Variants in RIT2 observed in about 807,000 individuals in gnomAD.
RIT2 encodes the protein Ras like without CAAX 2, also known as GTP-binding protein Rit2.
A neutral mutation model predicts 23.7 loss-of-function variants in RIT2; 24 were observed. The ratio of observed to expected loss-of-function variants is 1.01; its 90% CI spans 0.73 to 1.43. RIT2 has a LOEUF of 1.43. RIT2 is among the 40% of genes most tolerant of loss of function. RIT2 has a pLI of 0.00. For missense variants in RIT2, 236 were observed against 266.9 expected (o/e 0.88, Z 0.81); for synonymous variants, 107 against 91.1 (o/e 1.17, Z -0.99).
At chr18:42,940,884 G>A (rs1909585398) in intron 3 of RIT2, among the ~76,000 whole-genome samples, 1 of 152,086 alleles carries the variant, frequency 6.6e-6, no homozygotes, top group Non-Finnish European at 1.5e-5. Context: ...CTTACAGCAG[G>A]AATGTCATTT....
At chr18:42,973,890 T>G (rs1426307993) in intron 3 of RIT2, among the ~76,000 whole-genome samples, 184 bp downstream of exon 3, 3 of 151,208 alleles carry the variant, frequency 2.0e-5, no homozygotes, top group African/African-American at 7.4e-5. Context: ...TTTAGAAAAT[T>G]GAGGGAATTT....
At chr18:42,798,361 A>G (rs1176197824) in intron 4 of RIT2, among the ~76,000 whole-genome samples, 1 of 152,206 alleles carries the variant, frequency 6.6e-6, no homozygotes, top group Non-Finnish European at 1.5e-5. Flanking sequence ...AGTCATGGAA[A>G]GTTAAAATTG....
intron 1 of RIT2, among the ~76,000 whole-genome samples, chr18:43,064,079 T>C (rs955951318): frequency 6.6e-6 from 1 of 152,204 alleles, no homozygotes; most frequent in Non-Finnish European, 1.5e-5. Flanking sequence ...CATGGCTTCC[T>C]TAACATTTAT....
chr18:43,057,461 A>G (rs1453242706), intron 1 of RIT2, among the ~76,000 whole-genome samples: 1 of 152,184 alleles, frequency 6.6e-6, no homozygotes, highest in African/African-American at 2.4e-5. Flanking sequence ...TTCGCTTTGA[A>G]AAAGGACAAG....
intron 4 of RIT2, among the ~76,000 whole-genome samples, chr18:42,888,786 A>G (rs936043395): frequency 6.6e-6 from 1 of 152,126 alleles, no homozygotes; most frequent in Non-Finnish European, 1.5e-5. Flanking sequence ...GGAAGCCACA[A>G]TCCTAAGTAA....
At chr18:43,054,203 G>T (rs537152217) in intron 1 of RIT2, among the ~76,000 whole-genome samples, 1 of 152,182 alleles carries the variant, frequency 6.6e-6, no homozygotes, top group East Asian at 1.9e-4. Context: ...GTGCAGCTGG[G>T]TCAGTATCAA....
At position 43,115,436 on chromosome 18, in the gene RIT2, T is replaced by C; in HGVS notation, c.84A>G (p.Ala28=). Residue 28 remains alanine (A), a synonymous_variant, in exon 1 of 5, where the codon GCA becomes GCG. Transcript: ENST00000326695. ...ACTTACCGCTTTTACCAACTCCCCC[T>C]GCTCCCAGCATTACCACCTTGTACT... ...SREYKVVMLG[A]GGVGKSAMTM... 6.2e-7 allele frequency: 1 copy of C among 1,613,588 alleles called. No individual in the cohort carries two copies. Among genetic ancestry groups the C allele is most frequent in the Non-Finnish European group, 8.5e-7 (1 of 1,179,752 alleles).
chr18:43,027,827 T>G (rs1181495656), intron 2 of RIT2, among the ~76,000 whole-genome samples: 2 of 152,044 alleles, frequency 1.3e-5, no homozygotes, highest in South Asian at 2.1e-4. Context: ...TAGGTTTAAT[T>G]TGGGTGGTGC....
chr18:43,090,631 G>A (rs186474756), intron 1 of RIT2, among the ~76,000 whole-genome samples: 13 of 152,012 alleles, frequency 8.6e-5, no homozygotes, highest in Non-Finnish European at 1.6e-4. Flanking sequence ...GTCCAATAAC[G>A]GTAGACTGGA....
chr18:42,952,561 C>A (rs934824324), intron 3 of RIT2, among the ~76,000 whole-genome samples: 3 of 151,714 alleles, frequency 2.0e-5, no homozygotes, highest in Non-Finnish European at 2.9e-5. Flanking sequence ...AAAAAAAGAG[C>A]GTGGAAGGAA....
intron 3 of RIT2, among the ~76,000 whole-genome samples, chr18:42,943,561 T>A (rs1212251207): frequency 6.6e-6 from 1 of 152,184 alleles, no homozygotes; most frequent in African/African-American, 2.4e-5. Context: ...ATAATTCTTT[T>A]ACATGTTTTT....
intron 4 of RIT2, among the ~76,000 whole-genome samples, chr18:42,893,553 G>T (rs891330595): frequency 6.6e-6 from 1 of 152,130 alleles, no homozygotes. Flanking sequence ...TCATACTTTT[G>T]CATTGGAGGT....
At chr18:43,062,113 C>G (rs1282943641) in intron 1 of RIT2, among the ~76,000 whole-genome samples, 1 of 151,910 alleles carries the variant, frequency 6.6e-6, no homozygotes, top group African/African-American at 2.4e-5. Flanking sequence ...CTTTCCCTGG[C>G]TCACTGAATT....
At chr18:42,767,637 T>C (rs1156718692) in intron 4 of RIT2, among the ~76,000 whole-genome samples, 1 of 152,166 alleles carries the variant, frequency 6.6e-6, no homozygotes, top group East Asian at 1.9e-4. Context: ...GGTCTTGCAA[T>C]GTGAGGACAT....
intron 2 of RIT2, among the ~76,000 whole-genome samples, chr18:43,019,319 A>G (rs1911544212): frequency 6.6e-6 from 1 of 152,102 alleles, no homozygotes; most frequent in African/African-American, 2.4e-5. Flanking sequence ...CAAACAGAGC[A>G]CCAAAAAGAT....
intron 1 of RIT2, among the ~76,000 whole-genome samples, chr18:43,099,993 T>C (rs1305800647): frequency 6.6e-6 from 1 of 152,162 alleles, no homozygotes; most frequent in East Asian, 1.9e-4. Flanking sequence ...TAGGTAACTT[T>C]ATTTCATTTA....
intron 1 of RIT2, among the ~76,000 whole-genome samples, chr18:43,105,481 G>GGAGGAAGAGAGGAAGA (rs149976917): frequency 2.2e-4 from 26 of 118,354 alleles, no homozygotes; most frequent in East Asian, 7.8e-4. Flanking sequence ...AGAGAGGAAG[G>GGAGGAAGAGAGGAAGA]GAGGAAGGGA....
At chr18:42,856,785 T>G (rs1018448894) in intron 4 of RIT2, among the ~76,000 whole-genome samples, 1 of 151,854 alleles carries the variant, frequency 6.6e-6, no homozygotes, top group Non-Finnish European at 1.5e-5. Context: ...CAAGAAGATA[T>G]TTGGCAATTC....
chr18:43,077,232 G>A (rs1347085351), intron 1 of RIT2, among the ~76,000 whole-genome samples: 1 of 152,046 alleles, frequency 6.6e-6, no homozygotes. Flanking sequence ...TAGAAAATGT[G>A]CCTGAGTGTT....
Sources: allele counts gnomAD v4.1 joint callset (sites outside exome capture counted in the v4.1 genomes callset), GRCh38; gene constraint gnomAD v4.1.1; transcripts MANE v1.5; gene names NCBI Gene and HGNC (gene_info 2026-07-23, HGNC 2026-07-21).